Variants in DNAH12 observed in about 807,000 individuals in gnomAD.
DNAH12 encodes the protein dynein axonemal heavy chain 12.
Under a neutral mutation model 371.5 loss-of-function variants are expected in DNAH12, and 285 were observed. The observed-to-expected ratio is 0.77, with a 90% CI of 0.70 to 0.85. The LOEUF (loss-of-function observed/expected upper bound fraction) is 0.85. Ranked by LOEUF, DNAH12 falls within the 40% of genes least tolerant of loss-of-function variation. The pLI is 0.00. For synonymous variants in DNAH12, 1,200 were observed against 1,213.0 expected (o/e 0.99, Z 0.22); for missense variants, 3,611 against 3,689.4 (o/e 0.98, Z 0.55).
intron 25 of DNAH12, among the ~76,000 whole-genome samples, chr3:57,451,280 C>T (rs564678846): frequency 1.3e-5 from 2 of 152,302 alleles, no homozygotes; most frequent in Non-Finnish European, 2.9e-5. Context: ...TCTCAATTCC[C>T]GTAGGAAGGG....
chr3:57,411,892 C>T (rs138060902), intron 39 of DNAH12, among the ~76,000 whole-genome samples: 1 of 152,222 alleles, frequency 6.6e-6, no homozygotes, highest in East Asian at 1.9e-4. Flanking sequence ...AAGAGAAAAA[C>T]AAAGTCAGAG....
At chr3:57,462,097 G>A (rs2066070783) in intron 18 of DNAH12, among the ~76,000 whole-genome samples, 1 of 152,066 alleles carries the variant, frequency 6.6e-6, no homozygotes, top group Non-Finnish European at 1.5e-5. Context: ...ATATACAACA[G>A]TACTCTTAAT....
intron 33 of DNAH12, 89 bp from the exon 34 acceptor site, chr3:57,428,910 A>T: frequency 7.9e-7 from 1 of 1,265,626 alleles, no homozygotes; most frequent in Admixed American, 2.9e-5. Context: ...GACTTATGAG[A>T]TCCTTTATAA....
intron 55 of DNAH12, among the ~76,000 whole-genome samples, chr3:57,371,941 C>CAAAAAAAAAAAAAAAAAAAAAAAAA (rs1169602185): frequency 7.7e-5 from 2 of 25,848 alleles, no homozygotes; most frequent in Non-Finnish European, 1.6e-4. Context: ...CTAAACTCAG[C>CAAAAAAAAAAAAAAAAAAAAAAAAA]AAAAAAAAAA....
At chr3:57,470,136 T>C (rs2066324643) in intron 16 of DNAH12, among the ~76,000 whole-genome samples, 1 of 152,108 alleles carries the variant, frequency 6.6e-6, no homozygotes, top group Non-Finnish European at 1.5e-5. Context: ...TATATATATA[T>C]ATTTTTCATG....
At chr3:57,420,273 AG>A (rs1218432448) in intron 36 of DNAH12, among the ~76,000 whole-genome samples, 8 of 152,214 alleles carry the variant, frequency 5.3e-5, no homozygotes, top group Middle Eastern at 3.4e-3. Context: ...AAGTAAAAAA[AG>A]TTTTAATACC....
At position 57,391,158 on chromosome 3, in the gene DNAH12, T is replaced by G. The variant is rs1018291201; in HGVS notation, c.7305+714A>C. Reference sequence around the variant, plus strand: ...GGTCAAACATGATTCTGGGTGTTTCTGTGAGGGTGTTTTTACATGCATTCA... The same window carrying G: ...GGTCAAACATGATTCTGGGTGTTTCGGTGAGGGTGTTTTTACATGCATTCA... On this transcript the variant is annotated intron_variant, in intron 45 of 73. Coordinates refer to ENST00000495027, the MANE Select transcript of DNAH12 (RefSeq NM_001366028.2). Among the ~76,000 whole-genome samples the G allele has an allele frequency of 2.9e-3, 436 of 152,342 alleles. 2 individuals carry two copies. The highest frequency in any genetic ancestry group is 9.9e-3 in the African/African-American group (412 of 41,578).
chr3:57,324,261 T>G (rs941632062), intron 62 of DNAH12, among the ~76,000 whole-genome samples: 4 of 152,326 alleles, frequency 2.6e-5, no homozygotes, highest in Admixed American at 2.6e-4. Flanking sequence ...CTATTTGATT[T>G]AAGCCACTGT....
intron 22 of DNAH12, 116 bp downstream of exon 22, chr3:57,457,605 G>T: frequency 8.6e-7 from 1 of 1,158,020 alleles, no homozygotes; most frequent in Non-Finnish European, 1.2e-6. Context: ...AAGAAGTAAA[G>T]AAAATAAATG....
At chr3:57,474,773 A>G (rs952555601) in intron 13 of DNAH12, among the ~76,000 whole-genome samples, 1 of 152,124 alleles carries the variant, frequency 6.6e-6, no homozygotes, top group Non-Finnish European at 1.5e-5. Flanking sequence ...CCTGGCCAAC[A>G]TGGTGAAACC....
chr3:57,464,591 T>C (rs2066144798), intron 17 of DNAH12, among the ~76,000 whole-genome samples: 1 of 152,014 alleles, frequency 6.6e-6, no homozygotes, highest in Non-Finnish European at 1.5e-5. Flanking sequence ...CAAAGACAGA[T>C]GTACATCCAG....
chr3:57,368,644 G>A (rs996770564), intron 55 of DNAH12, among the ~76,000 whole-genome samples: 16 of 152,026 alleles, frequency 1.1e-4, no homozygotes, highest in South Asian at 6.2e-4. Flanking sequence ...TAAAATATTT[G>A]ATAAACATTT....
chr3:57,367,583 G>T (rs1290772941), intron 56 of DNAH12, among the ~76,000 whole-genome samples: 1 of 152,144 alleles, frequency 6.6e-6, no homozygotes, highest in Non-Finnish European at 1.5e-5. Context: ...TAAACAGAAA[G>T]ATATTAGCTG....
intron 2 of DNAH12, among the ~76,000 whole-genome samples, chr3:57,525,168 A>AG (rs920609319): frequency 3.1e-4 from 47 of 150,002 alleles, no homozygotes; most frequent in East Asian, 7.7e-4. Context: ...AAAAAAAAAA[A>AG]AAAGAAAAAA....
chr3:57,369,233 A>G (rs1313307995), intron 55 of DNAH12, among the ~76,000 whole-genome samples: 1 of 114,926 alleles, frequency 8.7e-6, no homozygotes, highest in Non-Finnish European at 1.8e-5. Context: ...AAAAAAATAT[A>G]TATATATATA....
intron 29 of DNAH12, among the ~76,000 whole-genome samples, chr3:57,440,512 T>G (rs1203309743): frequency 6.6e-6 from 1 of 152,034 alleles, no homozygotes; most frequent in Non-Finnish European, 1.5e-5. Flanking sequence ...CAACAGACAC[T>G]GGGGACTACT....
intron 55 of DNAH12, among the ~76,000 whole-genome samples, chr3:57,373,304 A>G (rs908700411): frequency 3.1e-5 from 4 of 130,968 alleles, no homozygotes; most frequent in Non-Finnish European, 6.4e-5. Context: ...TAGTTAATCT[A>G]TATTACTCAA....
intron 65 of DNAH12, among the ~76,000 whole-genome samples, chr3:57,319,348 T>C (rs1257025468): frequency 6.6e-6 from 1 of 152,210 alleles, no homozygotes; most frequent in Non-Finnish European, 1.5e-5. Context: ...CTGGTTTGAT[T>C]TGGATGCCTC....
Position 57,325,618 on chromosome 3 carries a change from G to T in DNAH12, c.9979-1999C>A, listed in dbSNP as rs758655890. On this transcript the variant is annotated intron_variant, in intron 62 of 73. Transcript: ENST00000495027. ...AAAGTAGATACAACCACAAAGATGG[G>T]GAAAAAACAGAGCAGAAAAACTGGA... 1.5e-3 allele frequency among the ~76,000 whole-genome samples: 223 copies of T among 152,032 alleles called. 1 individual carries two copies. Among genetic ancestry groups the T allele is most frequent in the Non-Finnish European group, 2.1e-3 (142 of 68,012 alleles).
Sources: gnomAD v4.1 joint callset for allele counts (sites outside exome capture counted in the v4.1 genomes callset) on GRCh38, gnomAD v4.1.1 for gene constraint, MANE v1.5 for transcripts, NCBI Gene and HGNC (gene_info 2026-07-23, HGNC 2026-07-21) for gene names.